The following LPAR6 variants were observed in gnomAD, a reference collection of about 807,000 sequenced individuals.
The protein encoded by LPAR6 is lysophosphatidic acid receptor 6.
Under a neutral mutation model 22.0 loss-of-function variants are expected in LPAR6, and 17 were observed. The observed-to-expected ratio is 0.77, with a 90% CI of 0.53 to 1.16. The LOEUF (loss-of-function observed/expected upper bound fraction) is 1.16, where lower values mean the gene tolerates loss of function less well. LPAR6 is among the 50% of genes most tolerant of loss of function. The pLI is 0.00. For synonymous variants in LPAR6, 136 were observed against 139.8 expected (o/e 0.97, Z 0.19); for missense variants, 384 against 406.9 (o/e 0.94, Z 0.48).
At chr13:48,402,805 T>G (rs189776600) in intron 1 of LPAR6, among the ~76,000 whole-genome samples, 5 of 152,284 alleles carry the variant, frequency 3.3e-5, no homozygotes, top group Non-Finnish European at 4.4e-5. Flanking sequence ...TCAGGAAGTC[T>G]TATGAGACCA....
intron 1 of LPAR6, among the ~76,000 whole-genome samples, chr13:48,425,276 A>G (rs1949063584): frequency 6.6e-6 from 1 of 152,222 alleles, no homozygotes; most frequent in African/African-American, 2.4e-5. Flanking sequence ...CCATTAATAT[A>G]GTCATGCTGC....
chr13:48,441,177 G>T (rs913256376), intron 1 of LPAR6, among the ~76,000 whole-genome samples: 1 of 152,218 alleles, frequency 6.6e-6, no homozygotes, highest in South Asian at 2.1e-4. Context: ...TCTGGCGGAG[G>T]CCTGTTTCCT....
upstream of LPAR6, among the ~76,000 whole-genome samples, chr13:48,417,942 G>C (rs186336691): frequency 6.6e-6 from 1 of 152,188 alleles, no homozygotes; most frequent in Admixed American, 6.5e-5. Flanking sequence ...ATTGAACCAA[G>C]TTGGAAAACA....
At chr13:48,392,445 T>G (rs1948618104) in intron 1 of LPAR6, among the ~76,000 whole-genome samples, 1 of 151,986 alleles carries the variant, frequency 6.6e-6, no homozygotes, top group Non-Finnish European at 1.5e-5. Flanking sequence ...TTCCTGCAGG[T>G]TTTTCTTTCT....
At chr13:48,406,098 C>CTGTG (rs149013062), downstream of LPAR6, among the ~76,000 whole-genome samples, 337 of 150,140 alleles carry the variant, frequency 2.2e-3, 1 homozygote, top group African/African-American at 5.7e-3. Flanking sequence ...ATAAATAACT[C>CTGTG]TGTGTGTGTG....
intron 1 of LPAR6, among the ~76,000 whole-genome samples, chr13:48,399,384 A>T (rs939196692): frequency 3.9e-5 from 6 of 152,054 alleles, no homozygotes; most frequent in Non-Finnish European, 7.4e-5. Flanking sequence ...CTGCTAGTGA[A>T]CTAATAATCT....
intron 1 of LPAR6, among the ~76,000 whole-genome samples, chr13:48,423,137 TAAGTA>T (rs917233234): frequency 6.6e-6 from 1 of 152,142 alleles, no homozygotes; most frequent in Non-Finnish European, 1.5e-5. Context: ...CTCAAATAAA[TAAGTA>T]AATAAATAAA....
At chr13:48,401,253 T>C (rs1948689646) in intron 1 of LPAR6, 1 of 152,182 alleles carries the variant, frequency 6.6e-6, no homozygotes, top group Non-Finnish European at 1.5e-5. Flanking sequence ...TGATGTTAGA[T>C]AATTACTTGA....
chr13:48,411,008 A>T (rs533160788), downstream of LPAR6: 4 of 152,876 alleles, frequency 2.6e-5, no homozygotes, highest in South Asian at 8.2e-4. Context: ...GGTATGTTGA[A>T]TAAAATATTA....
chr13:48,425,738 A>G (rs1160251097), intron 1 of LPAR6, among the ~76,000 whole-genome samples: 1 of 152,170 alleles, frequency 6.6e-6, no homozygotes, highest in Non-Finnish European at 1.5e-5. Flanking sequence ...TAGCTTCTCT[A>G]TTGTATATTT....
intron 1 of LPAR6, among the ~76,000 whole-genome samples, chr13:48,394,966 C>A (rs1948636715): frequency 2.0e-5 from 3 of 152,186 alleles, no homozygotes; most frequent in Admixed American, 1.3e-4. Context: ...CACCTCCTGG[C>A]AGGAATCAAC....
chr13:48,403,960 T>A (rs1948716225), intron 1 of LPAR6, among the ~76,000 whole-genome samples: 1 of 152,104 alleles, frequency 6.6e-6, no homozygotes, highest in South Asian at 2.1e-4. Flanking sequence ...GTGACTGCAC[T>A]ACTGCATTCC....
downstream of LPAR6, chr13:48,410,954 T>C (rs936445674): frequency 6.6e-6 from 1 of 152,344 alleles, no homozygotes; most frequent in Non-Finnish European, 1.5e-5. Context: ...TTGTTAATCA[T>C]AGTTTAAGAA....
At chr13:48,413,367 CA>C (rs534920690), upstream of LPAR6, among the ~76,000 whole-genome samples, 98 of 152,130 alleles carry the variant, frequency 6.4e-4, no homozygotes, top group Middle Eastern at 6.8e-3. Context: ...TGATTTGTTT[CA>C]GTAGTAATAA....
chr13:48,410,039 T>A (rs1417595095), downstream of LPAR6, among the ~76,000 whole-genome samples: 1 of 152,210 alleles, frequency 6.6e-6, no homozygotes, highest in Non-Finnish European at 1.5e-5. Flanking sequence ...TGTTACTTTA[T>A]AATGTAAGGA....
chr13:48,395,579 A>G (rs964359092), intron 1 of LPAR6, among the ~76,000 whole-genome samples: 3 of 152,094 alleles, frequency 2.0e-5, no homozygotes, highest in African/African-American at 7.2e-5. Flanking sequence ...GACTTTGTGA[A>G]GCATACACAA....
chr13:48,423,260 G>GGTTTTT (rs200017466), intron 1 of LPAR6, among the ~76,000 whole-genome samples: 10 of 152,132 alleles, frequency 6.6e-5, no homozygotes, highest in South Asian at 2.1e-4. Context: ...TGCTGGGTTG[G>GGTTTTT]GTTTTTGTTT....
At chr13:48,442,154 A>G (rs1167115199) in intron 1 of LPAR6, among the ~76,000 whole-genome samples, 1 of 151,972 alleles carries the variant, frequency 6.6e-6, no homozygotes, top group East Asian at 1.9e-4. Flanking sequence ...TCTGTTTCTC[A>G]CATTGTATTA....
downstream of LPAR6, chr13:48,406,527 G>A (rs1193301550): frequency 2.0e-5 from 3 of 152,058 alleles, no homozygotes; most frequent in Non-Finnish European, 4.4e-5. Flanking sequence ...TGTATCAGAC[G>A]AATCTTTATT....
Sources: allele counts gnomAD v4.1 joint callset (sites outside exome capture counted in the v4.1 genomes callset), GRCh38; gene constraint gnomAD v4.1.1; transcripts MANE v1.5; gene names NCBI Gene and HGNC (gene_info 2026-07-23, HGNC 2026-07-21).